EBF2: variants seen among roughly 807,000 people sequenced by gnomAD.
The protein encoded by EBF2 is transcription factor COE2.
A neutral mutation model predicts 72.8 loss-of-function variants in EBF2; 21 were observed. That is an observed-to-expected ratio of 0.29 (90% CI 0.20 to 0.42). The LOEUF (loss-of-function observed/expected upper bound fraction) is 0.42, where lower values mean the gene tolerates loss of function less well. Among genes scored for constraint, EBF2 ranks in the 10% least tolerant of loss-of-function variants. The pLI is 1.00. For synonymous variants in EBF2, 299 were observed against 274.2 expected (o/e 1.09, Z -0.89); for missense variants, 637 against 731.2 (o/e 0.87, Z 1.49).
At chr8:25,966,185 G>C (rs748249341) in intron 6 of EBF2, among the ~76,000 whole-genome samples, 1 of 152,220 alleles carries the variant, frequency 6.6e-6, no homozygotes, top group African/African-American at 2.4e-5. Flanking sequence ...GCATCTAAAG[G>C]CTTAGAGATG....
intron 10 of EBF2, among the ~76,000 whole-genome samples, chr8:25,884,913 A>G (rs1254521130): frequency 6.6e-6 from 1 of 152,226 alleles, no homozygotes; most frequent in African/African-American, 2.4e-5. Context: ...AGTAGGAATC[A>G]GAGCGCAAAT....
chr8:25,938,362 CCT>C (rs1803614207), intron 6 of EBF2, among the ~76,000 whole-genome samples: 1 of 149,982 alleles, frequency 6.7e-6, no homozygotes, highest in South Asian at 2.1e-4. Flanking sequence ...TGTTATTTTT[CCT>C]CTCTTACTTT....
chr8:25,891,110 G>A (rs1200955939), intron 7 of EBF2, among the ~76,000 whole-genome samples: 1 of 152,170 alleles, frequency 6.6e-6, no homozygotes, highest in Admixed American at 6.5e-5. Context: ...TAACCTAAAA[G>A]AGTTTATTTT....
chr8:25,973,910 G>C (rs763822930), intron 6 of EBF2, among the ~76,000 whole-genome samples: 2 of 152,040 alleles, frequency 1.3e-5, no homozygotes, highest in Non-Finnish European at 2.9e-5. Context: ...ACTCCTGGGA[G>C]CAAGCAATTC....
At chr8:25,948,939 C>T (rs1040500675) in intron 6 of EBF2, among the ~76,000 whole-genome samples, 2 of 152,078 alleles carry the variant, frequency 1.3e-5, no homozygotes, top group African/African-American at 4.8e-5. Context: ...GTGAGTCATC[C>T]AGGAATCCAA....
intron 7 of EBF2, among the ~76,000 whole-genome samples, chr8:25,901,467 G>T (rs1486431179): frequency 6.6e-6 from 1 of 151,206 alleles, no homozygotes; most frequent in Non-Finnish European, 1.5e-5. Flanking sequence ...GTTGGACTGT[G>T]TCAAGGATCT....
At chr8:25,910,541 A>G in intron 6 of EBF2, among the ~76,000 whole-genome samples, 1 of 152,198 alleles carries the variant, frequency 6.6e-6, no homozygotes, top group African/African-American at 2.4e-5. Flanking sequence ...GAAAACATTA[A>G]TGTTCATGAA....
At chr8:25,941,340 G>C (rs1803666223) in intron 6 of EBF2, among the ~76,000 whole-genome samples, 1 of 151,996 alleles carries the variant, frequency 6.6e-6, no homozygotes, top group Non-Finnish European at 1.5e-5. Flanking sequence ...TGAGTAGCTG[G>C]GATTACAGGT....
At chr8:26,002,335 A>C (rs140025595) in intron 6 of EBF2, among the ~76,000 whole-genome samples, 26 of 152,254 alleles carry the variant, frequency 1.7e-4, no homozygotes, top group African/African-American at 6.3e-4. Flanking sequence ...TAAGGGAAAA[A>C]ATTATTGATG....
intron 6 of EBF2, among the ~76,000 whole-genome samples, chr8:25,976,207 TG>T (rs1804265432): frequency 6.6e-6 from 1 of 152,252 alleles, no homozygotes; most frequent in South Asian, 2.1e-4. Flanking sequence ...TTCATAGATG[TG>T]GTTGAAATTA....
chr8:25,872,964 A>G (rs1370135080), intron 10 of EBF2, among the ~76,000 whole-genome samples: 1 of 152,138 alleles, frequency 6.6e-6, no homozygotes, highest in Non-Finnish European at 1.5e-5. Flanking sequence ...CTTACATAGT[A>G]CTTTCTTCCC....
chr8:26,035,440 A>G (rs891118211), intron 5 of EBF2, among the ~76,000 whole-genome samples: 10 of 152,164 alleles, frequency 6.6e-5, no homozygotes, highest in Non-Finnish European at 1.5e-4. Context: ...GTATGCCACC[A>G]TGCCAAGCCC....
At chr8:25,955,877 C>T (rs1803935672) in intron 6 of EBF2, among the ~76,000 whole-genome samples, 1 of 152,090 alleles carries the variant, frequency 6.6e-6, no homozygotes, top group Non-Finnish European at 1.5e-5. Context: ...ATAGCTTGTC[C>T]CCAAGGAAAC....
At chr8:25,969,975 C>T (rs920425235) in intron 6 of EBF2, among the ~76,000 whole-genome samples, 2 of 152,214 alleles carry the variant, frequency 1.3e-5, no homozygotes, top group African/African-American at 4.8e-5. Context: ...ATATTATTTA[C>T]TATCCTCACC....
intron 6 of EBF2, among the ~76,000 whole-genome samples, chr8:25,920,545 T>G (rs1047082124): frequency 1.3e-5 from 2 of 152,344 alleles, no homozygotes; most frequent in Non-Finnish European, 1.5e-5. Flanking sequence ...TTTCAAACTA[T>G]GTACTAGTGA....
At chr8:25,954,987 G>A (rs1429807877) in intron 6 of EBF2, among the ~76,000 whole-genome samples, 3 of 152,214 alleles carry the variant, frequency 2.0e-5, no homozygotes, top group Non-Finnish European at 4.4e-5. Context: ...GACGCAGCGC[G>A]CCAGGTTGTG....
chr8:25,950,509 A>T (rs548798111), intron 6 of EBF2, among the ~76,000 whole-genome samples: 12 of 152,354 alleles, frequency 7.9e-5, no homozygotes, highest in African/African-American at 2.9e-4. Context: ...CCAGGCCGCC[A>T]CTGGCCACTG....
intron 1 of EBF2, 71 bp from the exon 2 acceptor site, chr8:26,042,322 AC>A (rs1805615880): frequency 6.5e-7 from 1 of 1,530,024 alleles, no homozygotes; most frequent in African/African-American, 1.4e-5. Context: ...CTAACCGCCC[AC>A]AACACTGCAG....
intron 6 of EBF2, among the ~76,000 whole-genome samples, chr8:25,967,487 G>A (rs1016949719): frequency 6.6e-6 from 1 of 152,062 alleles, no homozygotes; most frequent in Non-Finnish European, 1.5e-5. Flanking sequence ...CCTATAGTTG[G>A]GCTAAATCAT....
Sources: gnomAD v4.1 joint callset for allele counts (sites outside exome capture counted in the v4.1 genomes callset) on GRCh38, gnomAD v4.1.1 for gene constraint, MANE v1.5 for transcripts, NCBI Gene and HGNC (gene_info 2026-07-23, HGNC 2026-07-21) for gene names.